GRM7: variants seen among roughly 807,000 people sequenced by gnomAD.
The protein encoded by GRM7 is metabotropic glutamate receptor 7.
GRM7 carries 35 observed loss-of-function variants against 84.5 expected under a neutral mutation model. The ratio of observed to expected loss-of-function variants is 0.41; its 90% CI spans 0.32 to 0.55. The LOEUF is 0.55. GRM7 is among the 20% of genes least tolerant of loss of function. The probability of loss-of-function intolerance (pLI) is 0.19; values close to 1 mark genes in which losing one functional copy is unlikely to be tolerated. For missense variants in GRM7, 1,003 were observed against 1,194.6 expected, an observed-to-expected ratio of 0.84 and a Z score of 2.36; for synonymous variants, 487 against 455.1, an observed-to-expected ratio of 1.07 and a Z score of -0.89.
intron 9 of GRM7, among the ~76,000 whole-genome samples, chr3:7,733,982 C>A (rs748741534): frequency 1.3e-5 from 2 of 152,180 alleles, no homozygotes; most frequent in African/African-American, 4.8e-5. Flanking sequence ...TCTTTAAGCA[C>A]TCATCACAGA....
In GRM7 at chr3:7,486,741, C is replaced by T. The variant is rs557975123; in HGVS notation, c.1515+25019C>T. On this transcript the variant is annotated intron_variant, in intron 7 of 9. Transcript: ENST00000357716. The surrounding 1 kb of genome is among the most constrained non-coding windows in gnomAD (Gnocchi z 5.5). ...AGGCTGTTTTTTAAAATAATTTATG[C>T]AGCCTCAGGTATTCTACTACAGCAA... 7.6e-4 allele frequency among the ~76,000 whole-genome samples: 115 copies of T among 152,252 alleles called. No homozygotes were observed. Among genetic ancestry groups the T allele is most frequent in the Middle Eastern group, 3.4e-3 (1 of 294 alleles).
chr3:7,417,784 T>C (rs1187513281), intron 5 of GRM7, among the ~76,000 whole-genome samples: 1 of 152,104 alleles, frequency 6.6e-6, no homozygotes, highest in African/African-American at 2.4e-5. Flanking sequence ...TTTTTTTCTT[T>C]TGGGCTGGGT....
chr3:7,067,218 G>C (rs1574857239), intron 1 of GRM7, among the ~76,000 whole-genome samples: 1 of 151,878 alleles, frequency 6.6e-6, no homozygotes, highest in East Asian at 2.0e-4. Context: ...ATTGGTAAAG[G>C]GGAAGTCAAA....
At chr3:6,882,794 C>G (rs1304685778) in intron 1 of GRM7, among the ~76,000 whole-genome samples, 2 of 152,138 alleles carry the variant, frequency 1.3e-5, no homozygotes, top group African/African-American at 4.8e-5. Flanking sequence ...TTAAATAGCT[C>G]AGCAGCATTT....
At chr3:6,890,958 A>G (rs1263192) in intron 1 of GRM7, among the ~76,000 whole-genome samples, 152,012 of 152,100 alleles carry the variant, frequency 1, 75,963 homozygotes, top group Middle Eastern at 1. Context: ...AGCTCTTCTT[A>G]TTGAATTGAT....
Position 6,862,246 on chromosome 3 carries a change from A to G in GRM7, c.519+339A>G, listed in dbSNP as rs933672736. Among the ~76,000 whole-genome samples, 1 of 152,116 alleles carries G rather than the reference A, an allele frequency of 6.6e-6. No homozygotes were observed. The highest frequency in any genetic ancestry group is 2.4e-5 in the African/African-American group (1 of 41,428). On this transcript the variant is annotated intron_variant, in intron 1 of 9. Coordinates refer to ENST00000357716, the MANE Select transcript of GRM7 (RefSeq NM_000844.4). The surrounding 1 kb of genome is among the most constrained non-coding windows in gnomAD (Gnocchi z 5.2). Reference sequence around the variant, plus strand: ...CCGAAAACAGGCTCGTAAAAGTGCCAGGCTCCTAGGAGAGCTGGTTAGGAG... The same window carrying G: ...CCGAAAACAGGCTCGTAAAAGTGCCGGGCTCCTAGGAGAGCTGGTTAGGAG...
At chr3:7,381,893 T>C (rs1694606536) in intron 4 of GRM7, among the ~76,000 whole-genome samples, 1 of 152,310 alleles carries the variant, frequency 6.6e-6, no homozygotes, top group African/African-American at 2.4e-5. Context: ...TAAGTGGCCT[T>C]CATGTGTTAG....
At chr3:7,240,651 T>C (rs549932654) in intron 2 of GRM7, among the ~76,000 whole-genome samples, 1 of 152,258 alleles carries the variant, frequency 6.6e-6, no homozygotes, top group African/African-American at 2.4e-5. Context: ...CTTTTTTCCA[T>C]TGCTTTTCGG....
chr3:7,016,580 A>G (rs193290462), intron 1 of GRM7, among the ~76,000 whole-genome samples: 3 of 152,322 alleles, frequency 2.0e-5, no homozygotes, highest in Admixed American at 6.5e-5. Context: ...ACAAATTGTA[A>G]GACTACAGAG....
chr3:7,357,558 A>C (rs1260624675), intron 4 of GRM7, among the ~76,000 whole-genome samples: 1 of 152,148 alleles, frequency 6.6e-6, no homozygotes. Context: ...ACCCTGTAAA[A>C]TCTAAATAGC....
intron 1 of GRM7, among the ~76,000 whole-genome samples, chr3:7,051,962 T>C (rs370389819): frequency 1.3e-5 from 2 of 150,828 alleles, no homozygotes; most frequent in East Asian, 1.9e-4. Context: ...CATTAATTAA[T>C]TTTTTTTTGT....
intron 7 of GRM7, among the ~76,000 whole-genome samples, chr3:7,520,644 G>T (rs190354508): frequency 5.9e-5 from 9 of 152,232 alleles, no homozygotes; most frequent in African/African-American, 2.2e-4. Context: ...GTGGATCAGG[G>T]TATAGAAGAC....
rs1559434884 is a variant in GRM7 at position 7,093,715 on chromosome 3, G to GAA, written c.520-52737_520-52736insAA. On this transcript the variant is annotated intron_variant, in intron 1 of 9. Coordinates refer to ENST00000357716, the MANE Select transcript of GRM7 (RefSeq NM_000844.4). ...AAAAAAAAAAAAAAAAAAAAAAAAA[G>GAA]GTAGTTAGTGGCCTTTGCTCTTTTA... 7.3e-5 allele frequency among the ~76,000 whole-genome samples: 4 copies of GAA among 55,146 alleles called. 2 individuals are homozygous for GAA. Among genetic ancestry groups the GAA allele is most frequent in the Non-Finnish European group, 1.5e-4 (4 of 27,562 alleles). The allele number at this position is 55,146 out of a possible 152,430, so 36.2% of individuals were successfully genotyped here.
intron 8 of GRM7, among the ~76,000 whole-genome samples, chr3:7,652,566 A>C (rs116546398): frequency 0.013 from 1,908 of 152,274 alleles, 14 homozygotes; most frequent in Middle Eastern, 0.02. Flanking sequence ...GGCTCCCTTC[A>C]CAAGGCTGTT....
chr3:7,017,571 G>A (rs933189648), intron 1 of GRM7, among the ~76,000 whole-genome samples: 3 of 152,164 alleles, frequency 2.0e-5, no homozygotes, highest in Non-Finnish European at 4.4e-5. Flanking sequence ...TTCATTGATA[G>A]ATATATTTTC....
intron 7 of GRM7, among the ~76,000 whole-genome samples, chr3:7,523,868 A>G (rs1700691804): frequency 1.3e-5 from 2 of 152,204 alleles, no homozygotes; most frequent in African/African-American, 4.8e-5. Context: ...AGAAAAATAG[A>G]GGACTTTATA....
At chr3:7,665,281 C>T (rs1316197072) in intron 8 of GRM7, among the ~76,000 whole-genome samples, 2 of 151,372 alleles carry the variant, frequency 1.3e-5, no homozygotes, top group Non-Finnish European at 2.9e-5. Flanking sequence ...ACGCCATTCT[C>T]CTGCCTCAGC....
At chr3:7,604,687 G>C (rs1007092235) in intron 8 of GRM7, among the ~76,000 whole-genome samples, 1 of 152,126 alleles carries the variant, frequency 6.6e-6, no homozygotes, top group Non-Finnish European at 1.5e-5. Flanking sequence ...CAAGGCTTTG[G>C]AGGCATACCA....
At chr3:7,710,391 C>A (rs1222959241) in intron 9 of GRM7, among the ~76,000 whole-genome samples, 1 of 152,118 alleles carries the variant, frequency 6.6e-6, no homozygotes, top group Non-Finnish European at 1.5e-5. Context: ...CCCTGTCACT[C>A]ACAAACACAG....
Sources: allele counts gnomAD v4.1 joint callset (sites outside exome capture counted in the v4.1 genomes callset), GRCh38; gene constraint gnomAD v4.1.1; non-coding constraint Gnocchi (gnomAD v3.1); transcripts MANE v1.5; gene names NCBI Gene and HGNC (gene_info 2026-07-23, HGNC 2026-07-21).